DNAJC16: variants seen among roughly 807,000 people sequenced by gnomAD.
The protein encoded by DNAJC16 is dnaJ homolog subfamily C member 16.
DNAJC16 carries 76 observed loss-of-function variants against 92.7 expected under a neutral mutation model. The observed-to-expected ratio is 0.82, with a 90% confidence interval of 0.68 to 0.99. The LOEUF (loss-of-function observed/expected upper bound fraction) is 0.99, where lower values mean the gene tolerates loss of function less well. Among genes scored for constraint, DNAJC16 ranks in the 50% least tolerant of loss-of-function variants. The pLI is 0.00. For missense variants in DNAJC16, 869 were observed against 942.4 expected, an observed-to-expected ratio of 0.92 and a Z score of 1.02; for synonymous variants, 328 against 358.7, an observed-to-expected ratio of 0.91 and a Z score of 0.97.
At chr1:15,565,848 T>C in intron 11 of DNAJC16, 71 bp from the exon 12 acceptor site, 1 of 1,503,346 alleles carries the variant, frequency 6.7e-7, no homozygotes, top group Middle Eastern at 1.7e-4. Context: ...TTTGGGATTT[T>C]TATTTTATCT....
intron 8 of DNAJC16, chr1:15,560,353 A>G (rs1479601879): frequency 6.6e-6 from 1 of 152,256 alleles, no homozygotes; most frequent in Non-Finnish European, 1.5e-5. Flanking sequence ...GGTCTTGGGA[A>G]GGAGCAAGGA....
chr1:15,540,379 T>C (rs981320796), intron 4 of DNAJC16, among the ~76,000 whole-genome samples: 5 of 152,058 alleles, frequency 3.3e-5, no homozygotes, highest in Non-Finnish European at 7.4e-5. Flanking sequence ...ATATTTATCA[T>C]TCTTTATTCT....
chr1:15,559,818 C>T (rs2103423993), intron 8 of DNAJC16, among the ~76,000 whole-genome samples, 162 bp downstream of exon 8: 1 of 151,360 alleles, frequency 6.6e-6, no homozygotes, highest in African/African-American at 2.4e-5. Context: ...AATCCCAGCA[C>T]TTTGGGAGGC....
chr1:15,528,991 G>T (rs988758176), intron 1 of DNAJC16, 97 bp from the exon 2 acceptor site: 1 of 1,060,804 alleles, frequency 9.4e-7, no homozygotes, highest in Non-Finnish European at 1.3e-6. Context: ...CCTTTTGTTG[G>T]TTTTGTTTTT....
chr1:15,545,874 A>G (rs895307073), intron 5 of DNAJC16, among the ~76,000 whole-genome samples: 2 of 152,224 alleles, frequency 1.3e-5, no homozygotes, highest in African/African-American at 4.8e-5. Flanking sequence ...TAGCTAGATA[A>G]TTTATTCATG....
chr1:15,531,475 GT>G (rs1379893051), intron 2 of DNAJC16, among the ~76,000 whole-genome samples: 1 of 152,126 alleles, frequency 6.6e-6, no homozygotes, highest in Non-Finnish European at 1.5e-5. Flanking sequence ...GCCTCTTTAT[GT>G]TTAAAGCAGG....
At position 15,565,935 on chromosome 1, in the gene DNAJC16, C is replaced by T. The variant is rs779109130; in HGVS notation, c.1615C>T (p.Leu539=). 2 of 1,613,772 alleles carry T rather than the reference C, an allele frequency of 1.2e-6. No individual in the cohort carries two copies. The highest frequency in any genetic ancestry group is 1.1e-5 in the South Asian group (1 of 91,052). The change falls in exon 12 of 15, where the codon CTG becomes TTG. Residue 539 remains leucine (L), a synonymous_variant. Transcript: ENST00000375847. ...TGGTTTTAGGAGGGAAATGATGCCC[C>T]TGCTGTCCCTGATCTTCTCTGCCCT... ...FHNNWREMMP[L]LSLIFSALFI... is the part of the protein sequence containing the mutation.
At chr1:15,544,328 ATTAC>A in intron 4 of DNAJC16, 67 bp from the exon 5 acceptor site, 1 of 1,456,520 alleles carries the variant, frequency 6.9e-7, no homozygotes, top group Non-Finnish European at 9.2e-7. Context: ...ACACCAAAAA[ATTAC>A]TTAGCACTTT....
chr1:15,527,927 TATAA>T, intron 1 of DNAJC16, among the ~76,000 whole-genome samples: 1 of 151,976 alleles, frequency 6.6e-6, no homozygotes, highest in East Asian at 1.9e-4. Flanking sequence ...AATTGTGGAG[TATAA>T]ATATCTGCAG....
In DNAJC16 at chr1:15,546,900, T is replaced by TTTTTCTTTTCTTTTC. The variant is rs777405249; in HGVS notation, c.864+34_864+48dup. The TTTTTCTTTTCTTTTC allele has an allele frequency of 5.4e-5, 78 of 1,436,696 alleles. No homozygotes were observed. In the African/African-American group the frequency reaches 1.2e-3, roughly 21 times the overall value. 89.0% of individuals were successfully genotyped at this position (1,436,696 alleles called of 1,614,324 possible). ...CTTTCTATGCTAGGATAATGGTTTCTTTTTCTTTTCTTTTCTTTTTTTTTT... is the reference window on the plus strand; with the variant it reads ...CTTTCTATGCTAGGATAATGGTTTCTTTTTCTTTTCTTTTCTTTTCTTTTCTTTTCTTTTTTTTTT... On this transcript the variant is annotated intron_variant, in intron 6 of 14. Coordinates refer to ENST00000375847, the MANE Select transcript of DNAJC16 (RefSeq NM_015291.4).
At chr1:15,560,533 C>T (rs1402329939) in intron 8 of DNAJC16, among the ~76,000 whole-genome samples, 2 of 152,134 alleles carry the variant, frequency 1.3e-5, no homozygotes, top group African/African-American at 4.8e-5. Flanking sequence ...GTGAATGAAT[C>T]AGTAGCTTTA....
intron 8 of DNAJC16, 82 bp from the exon 9 acceptor site, chr1:15,562,060 C>T (rs1478937825): frequency 3.5e-6 from 5 of 1,430,762 alleles, no homozygotes; most frequent in Non-Finnish European, 4.8e-6. Flanking sequence ...AGCTCCTCGT[C>T]TTCTTCACCT....
In DNAJC16 at chr1:15,536,474, GAT is replaced by G. The variant is rs1428468711; in HGVS notation, c.235_236del (p.Ile79SerfsTer4). 3 of 1,569,794 alleles carry G rather than the reference GAT, an allele frequency of 1.9e-6. No homozygotes were observed. The highest frequency in any genetic ancestry group is 2.6e-6 in the Non-Finnish European group (3 of 1,162,164). ...KFIQISKAYE[I>X]LSNEEKRSNY... ...GTTTAGATTTTTTTCTTCCTTTATA[GAT>G]TCTTTCAAATGAAGAAAAGAGATCA... On this transcript the variant is annotated frameshift_variant and splice_region_variant, in exon 4 of 15. Transcript: ENST00000375847. LOFTEE classifies it high-confidence loss of function.
In DNAJC16 at chr1:15,548,276, G is replaced by C; in HGVS notation, c.871G>C (p.Ala291Pro). ...CTCTATTATGCCCTAACAGTTGACT[G>C]CCTTTGCATACAAAGATTATTTATC... Reference protein sequence around the residue: ...PIVPLLYKLTAFAYKDYLSFG... With the variant: ...PIVPLLYKLTPFAYKDYLSFG... The change falls in exon 7 of 15, where the codon GCC becomes CCC. Residue 291 changes from alanine to proline, a missense_variant. Physicochemically the swap from Ala to Pro is conservative, Grantham distance 27. Transcript: ENST00000375847. 1.2e-6 allele frequency: 2 copies of C among 1,613,684 alleles called. No individual in the cohort carries two copies. Among genetic ancestry groups the C allele is most frequent in the Non-Finnish European group, 1.7e-6 (2 of 1,179,834 alleles).
At chr1:15,534,183 G>T in intron 2 of DNAJC16, 54 bp from the exon 3 acceptor site, 1 of 1,587,592 alleles carries the variant, frequency 6.3e-7, no homozygotes, top group South Asian at 1.1e-5. Flanking sequence ...GACATTAAAT[G>T]ACTGTGCATT....
chr1:15,539,190 A>G (rs570010344), intron 4 of DNAJC16, among the ~76,000 whole-genome samples: 9 of 152,212 alleles, frequency 5.9e-5, no homozygotes, highest in Non-Finnish European at 1.2e-4. Flanking sequence ...GCATCAATTT[A>G]TATAAACATC....
In DNAJC16 at chr1:15,569,252, A is replaced by G. The variant is rs893554760; in HGVS notation, c.*1075A>G. On this transcript the variant is annotated 3_prime_UTR_variant, in exon 15 of 15. Transcript: ENST00000375847. Reference sequence around the variant, plus strand: ...GTTACCCTAAAAGTGCTGTCTCTTCAAGTCATCTTTTGCAGGAAGTGAGCC... The same window carrying G: ...GTTACCCTAAAAGTGCTGTCTCTTCGAGTCATCTTTTGCAGGAAGTGAGCC... 2 of 152,454 alleles carry G rather than the reference A, an allele frequency of 1.3e-5. No homozygotes were observed. Among genetic ancestry groups the G allele is most frequent in the African/African-American group, 4.8e-5 (2 of 41,456 alleles). 9.4% of individuals were successfully genotyped at this position (152,454 alleles called of 1,614,324 possible). A position where few individuals can be genotyped will look rare whatever the true frequency, so the allele number is the denominator to read the frequency against.
intron 2 of DNAJC16, among the ~76,000 whole-genome samples, chr1:15,533,381 C>G (rs1215015908): frequency 1.3e-5 from 2 of 152,218 alleles, no homozygotes; most frequent in Non-Finnish European, 2.9e-5. Flanking sequence ...ATTCCCAACA[C>G]TTTTGGAGGC....
chr1:15,551,088 T>C (rs55872514), intron 7 of DNAJC16, among the ~76,000 whole-genome samples: 41,615 of 152,164 alleles, frequency 0.27, 6,524 homozygotes, highest in African/African-American at 0.42. Context: ...CAGGCTGTTC[T>C]TGAATTCCTG....
Sources: allele counts gnomAD v4.1 joint callset (sites outside exome capture counted in the v4.1 genomes callset), GRCh38; gene constraint gnomAD v4.1.1; transcripts MANE v1.5; gene names NCBI Gene and HGNC (gene_info 2026-07-23, HGNC 2026-07-21).